DENND10: variants seen among roughly 807,000 people sequenced by gnomAD.
DENND10 encodes the protein DENN domain containing 10.
A neutral mutation model predicts 43.6 loss-of-function variants in DENND10; 24 were observed. That is an observed-to-expected ratio of 0.55 (90% confidence interval 0.40 to 0.77). The LOEUF is 0.77. Ranked by LOEUF, DENND10 falls within the 30% of genes least tolerant of loss-of-function variation. DENND10 has a pLI of 0.00. For missense variants in DENND10, 303 were observed against 429.9 expected (o/e 0.70, Z 2.61); for synonymous variants, 125 against 157.6 (o/e 0.79, Z 1.55).
At chr10:119,136,036 G>T (rs778243114) in intron 8 of DENND10, among the ~76,000 whole-genome samples, 17 of 151,950 alleles carry the variant, frequency 1.1e-4, no homozygotes, top group Non-Finnish European at 2.4e-4. Flanking sequence ...AAATTAGCTG[G>T]GTGTGGTGGC....
chr10:119,112,084 C>G (rs1212267713), intron 3 of DENND10, among the ~76,000 whole-genome samples, 156 bp downstream of exon 3: 1 of 152,172 alleles, frequency 6.6e-6, no homozygotes, highest in African/African-American at 2.4e-5. Context: ...CGGCCTTTCT[C>G]TTTTGCTCTG....
chr10:119,109,504 A>C (rs371198878), intron 2 of DENND10, among the ~76,000 whole-genome samples: 9 of 152,346 alleles, frequency 5.9e-5, no homozygotes, highest in African/African-American at 2.2e-4. Flanking sequence ...TGACTAGAAT[A>C]CCAGCTTAAA....
intron 3 of DENND10, among the ~76,000 whole-genome samples, chr10:119,115,707 C>T (rs996522567): frequency 7.3e-5 from 11 of 150,434 alleles, no homozygotes; most frequent in African/African-American, 2.4e-4. Flanking sequence ...AGTTGGCAAG[C>T]AGTTAAAACA....
intron 2 of DENND10, among the ~76,000 whole-genome samples, chr10:119,111,245 G>A (rs1053927546): frequency 7.2e-6 from 1 of 139,592 alleles, no homozygotes; most frequent in African/African-American, 2.7e-5. Context: ...TCCAGCCTGG[G>A]CGACAGAGCA....
chr10:119,111,846 C>T lies in DENND10; in HGVS notation c.253-3C>T. 6.2e-7 allele frequency: 1 copy of T among 1,608,410 alleles called. No individual in the cohort carries two copies. On this transcript the variant is annotated splice_polypyrimidine_tract_variant and splice_region_variant and intron_variant, in intron 2 of 8. Transcript: ENST00000361432. ...GTATTTTTTTGTTGTTTCTTTTGAA[C>T]AGGTGACTCATTTTTCTATTGTCCT...
chr10:119,123,423 A>T, intron 5 of DENND10, 46 bp from the exon 6 acceptor site: 2 of 1,396,378 alleles, frequency 1.4e-6, no homozygotes, highest in Non-Finnish European at 2.0e-6. Context: ...CTGAGTCTTT[A>T]AGGTGTGGAC....
chr10:119,111,193 G>A (rs908577044), intron 2 of DENND10, among the ~76,000 whole-genome samples: 3 of 149,304 alleles, frequency 2.0e-5, no homozygotes, highest in East Asian at 2.0e-4. Flanking sequence ...GCTTGAACCC[G>A]GGAGGCAGAG....
intron 4 of DENND10, among the ~76,000 whole-genome samples, chr10:119,118,917 C>T (rs1315778760): frequency 2.0e-5 from 3 of 150,296 alleles, no homozygotes; most frequent in African/African-American, 4.9e-5. Flanking sequence ...AATCTCAGCT[C>T]ACTGCAACCT....
At chr10:119,124,298 A>G (rs763130589) in intron 6 of DENND10, among the ~76,000 whole-genome samples, 1 of 148,986 alleles carries the variant, frequency 6.7e-6, no homozygotes, top group Non-Finnish European at 1.5e-5. Context: ...GGCTGAGGCA[A>G]GTGGATTGCC....
chr10:119,117,106 G>T (rs953827303), intron 3 of DENND10, among the ~76,000 whole-genome samples: 1 of 152,056 alleles, frequency 6.6e-6, no homozygotes, highest in Non-Finnish European at 1.5e-5. Flanking sequence ...AGTGCAGTAA[G>T]TGCAGCTGTA....
rs1444778211 is a variant in DENND10 at position 119,120,894 on chromosome 10, ACT to A, written c.593+445_593+446del. 5.3e-5 allele frequency among the ~76,000 whole-genome samples: 8 copies of A among 149,984 alleles called. No homozygotes were observed. The East Asian group carries it at 9.7e-4, about 18-fold the overall frequency. The stretch of plus-strand genomic sequence containing the variant: ...TTCCTTCTGTTCAGTTTTATCAAAG[ACT>A]CTTTTTTTTTTCTTGTTTTAATTAA... On this transcript the variant is annotated intron_variant, in intron 5 of 8. Transcript: ENST00000361432.
rs56064617 is a variant in DENND10, at chr10:119,109,216, C to CAAA, written c.252+1066_252+1068dup. 6.6e-4 allele frequency among the ~76,000 whole-genome samples: 85 copies of CAAA among 129,040 alleles called. 4 individuals are homozygous for CAAA. The highest frequency in any genetic ancestry group is 1.9e-3 in the South Asian group (7 of 3,770). 84.7% of individuals were successfully genotyped at this position (129,040 alleles called of 152,430 possible). ...AGGCAACAAGAGCGAAACTCCGTCT[C>CAAA]AAAAAAAAAAAAAAAAGAATTTAGA... On this transcript the variant is annotated intron_variant, in intron 2 of 8. Transcript: ENST00000361432.
At position 119,123,687 on chromosome 10, in the gene DENND10, G is replaced by T. The variant is rs1019612333; in HGVS notation, c.694+118G>T. The T allele has an allele frequency of 5.9e-5, 44 of 746,800 alleles. No homozygotes were observed. In the East Asian group the frequency reaches 1.2e-3, roughly 20 times the overall value. The allele number at this position is 746,800 out of a possible 1,614,324, so 46.3% of individuals were successfully genotyped here. A position where few individuals can be genotyped will look rare whatever the true frequency, so the allele number is the denominator to read the frequency against. On this transcript the variant is annotated intron_variant, in intron 6 of 8. Coordinates refer to ENST00000361432, the MANE Select transcript of DENND10 (RefSeq NM_207009.4). ...TGCAATGGCACGATCTTAGCTCACCGCAACGTCCGCCTTCAATTCTCCTGC... is the reference window on the plus strand; with the variant it reads ...TGCAATGGCACGATCTTAGCTCACCTCAACGTCCGCCTTCAATTCTCCTGC...
intron 8 of DENND10, among the ~76,000 whole-genome samples, chr10:119,135,381 A>G (rs1019756164): frequency 2.6e-5 from 4 of 152,134 alleles, no homozygotes; most frequent in Non-Finnish European, 4.4e-5. Context: ...CAGCAGATGA[A>G]TGGGCAAGCA....
intron 1 of DENND10, 72 bp downstream of exon 1, chr10:119,104,269 G>C: frequency 1.4e-5 from 19 of 1,389,416 alleles, no homozygotes; most frequent in Non-Finnish European, 1.7e-5. Context: ...GCCCGGGGCA[G>C]CCCGGGCTCC....
intron 6 of DENND10, among the ~76,000 whole-genome samples, chr10:119,126,061 C>T (rs1845816791): frequency 6.6e-6 from 1 of 152,112 alleles, no homozygotes; most frequent in Non-Finnish European, 1.5e-5. Flanking sequence ...CAAAATTTGT[C>T]TTTCTGTCCG....
chr10:119,123,344 C>T (rs1301832567), intron 5 of DENND10, 125 bp from the exon 6 acceptor site: 4 of 670,182 alleles, frequency 6.0e-6, no homozygotes, highest in Non-Finnish European at 1.1e-5. Flanking sequence ...TTGGTCTCAC[C>T]TCTGTCCCTG....
In DENND10 at chr10:119,119,737, T is replaced by A. The variant is rs200782755; in HGVS notation, c.482-604T>A. Among the ~76,000 whole-genome samples, 2,120 of 149,142 alleles carry A rather than the reference T, an allele frequency of 0.014. 97 individuals are homozygous for A. In the East Asian group the frequency reaches 0.15, roughly 11 times the overall value. On this transcript the variant is annotated intron_variant, in intron 4 of 8. Transcript: ENST00000361432. ...TGGCAGACATTTTTTTTTTTTTTTT[T>A]AAATCAGGAAGTTTTAATGATACAG... is the stretch of plus-strand genomic sequence containing the variant.
intron 1 of DENND10, chr10:119,104,925 T>G (rs935652611): frequency 6.6e-6 from 1 of 152,442 alleles, no homozygotes; most frequent in African/African-American, 2.4e-5. Flanking sequence ...CCCCCACCAG[T>G]GGAGAGCTCC....
Sources: gnomAD v4.1 joint callset for allele counts (sites outside exome capture counted in the v4.1 genomes callset) on GRCh38, gnomAD v4.1.1 for gene constraint, MANE v1.5 for transcripts, NCBI Gene and HGNC (gene_info 2026-07-23, HGNC 2026-07-21) for gene names.